Variants in ASTN2 observed in about 807,000 individuals in gnomAD.
ASTN2 encodes astrotactin-2.
ASTN2 carries 54 observed loss-of-function variants against 139.8 expected under a neutral mutation model. The ratio of observed to expected loss-of-function variants is 0.39; its 90% CI spans 0.31 to 0.48. The LOEUF (loss-of-function observed/expected upper bound fraction) is 0.48. Among genes scored for constraint, ASTN2 ranks in the 20% least tolerant of loss-of-function variants. The pLI, the probability that ASTN2 is intolerant of heterozygous loss-of-function variation, is 0.95. For synonymous variants in ASTN2, 756 were observed against 719.5 expected (o/e 1.05, Z -0.81); for missense variants, 1,565 against 1,725.1 (o/e 0.91, Z 1.64).
intron 10 of ASTN2, among the ~76,000 whole-genome samples, chr9:116,884,272 C>A (rs1438025227): frequency 6.6e-6 from 1 of 152,068 alleles, no homozygotes; most frequent in East Asian, 1.9e-4. Context: ...GACCTGGATT[C>A]CAAGAGAAGG....
intron 10 of ASTN2, among the ~76,000 whole-genome samples, chr9:116,892,013 A>G (rs1833774241): frequency 6.6e-6 from 1 of 152,228 alleles, no homozygotes; most frequent in Non-Finnish European, 1.5e-5. Context: ...GGTCCTGAAT[A>G]TGACAGACTA....
intron 10 of ASTN2, among the ~76,000 whole-genome samples, chr9:116,896,599 A>G (rs12683025): frequency 0.16 from 24,541 of 152,124 alleles, 2,737 homozygotes; most frequent in East Asian, 0.33. Context: ...GATTACAGGC[A>G]TGAGCTGCCG....
chr9:116,986,440 A>G (rs193260135), intron 7 of ASTN2, among the ~76,000 whole-genome samples: 209 of 152,276 alleles, frequency 1.4e-3, no homozygotes, highest in African/African-American at 4.8e-3. Context: ...CTTGGAGGAA[A>G]ATACATCACT....
chr9:117,107,670 T>C (rs1433094918), intron 4 of ASTN2, among the ~76,000 whole-genome samples: 3 of 152,210 alleles, frequency 2.0e-5, no homozygotes, highest in Non-Finnish European at 4.4e-5. Flanking sequence ...TCCCTCTCTC[T>C]GAACACAAGA....
Position 117,182,536 on chromosome 9 carries a change from C to A in ASTN2, c.1015+31822G>T, listed in dbSNP as rs535121349. Among the ~76,000 whole-genome samples the A allele has an allele frequency of 5.3e-5, 8 of 152,278 alleles. No homozygotes were observed. The South Asian group carries it at 1.7e-3, about 32-fold the overall frequency. On this transcript the variant is annotated intron_variant, in intron 3 of 22. Transcript: ENST00000313400. ...CCCTATAGCTCTAGGGAAATTAGAA[C>A]AGATAAGGTCCAAATGTAGCCGGGC...
intron 7 of ASTN2, among the ~76,000 whole-genome samples, chr9:116,993,411 T>A (rs1588465205): frequency 6.6e-6 from 1 of 152,014 alleles, no homozygotes; most frequent in Non-Finnish European, 1.5e-5. Flanking sequence ...TCTGCTCAAA[T>A]TTGCAACCAT....
chr9:116,993,514 G>A (rs986424416), intron 7 of ASTN2, among the ~76,000 whole-genome samples: 9 of 150,834 alleles, frequency 6.0e-5, no homozygotes, highest in Non-Finnish European at 1.0e-4. Flanking sequence ...ACTTTATCAC[G>A]TTATTCACTA....
chr9:116,446,096 G>C (rs933769775), intron 20 of ASTN2, among the ~76,000 whole-genome samples: 7 of 152,004 alleles, frequency 4.6e-5, no homozygotes, highest in African/African-American at 1.7e-4. Context: ...CTGATATGAA[G>C]GAGAGAGGGA....
intron 1 of ASTN2, among the ~76,000 whole-genome samples, chr9:117,410,319 T>C (rs955369904): frequency 6.6e-6 from 1 of 152,090 alleles, no homozygotes; most frequent in African/African-American, 2.4e-5. Context: ...CTGAATGACA[T>C]ACAGGTTCAC....
At chr9:116,544,136 C>T (rs1422704187) in intron 19 of ASTN2, among the ~76,000 whole-genome samples, 1 of 152,130 alleles carries the variant, frequency 6.6e-6, no homozygotes, top group Non-Finnish European at 1.5e-5. Context: ...TCTCCAAGGG[C>T]ACTTAGTGGC....
intron 1 of ASTN2, among the ~76,000 whole-genome samples, chr9:117,315,598 C>G (rs139207934): frequency 6.6e-6 from 1 of 152,360 alleles, no homozygotes; most frequent in African/African-American, 2.4e-5. Context: ...TTCTGACATA[C>G]AGCAGTTCTC....
In ASTN2 at chr9:116,620,268, C is replaced by T. The variant is rs7049052; in HGVS notation, c.3206+42G>A. ...CTGGCAGGACAGGAGTGTGAGTCCACGAAAAGGGATGGCCAAAGGAAAAGG... is the reference window on the plus strand; with the variant it reads ...CTGGCAGGACAGGAGTGTGAGTCCATGAAAAGGGATGGCCAAAGGAAAAGG... On this transcript the variant is annotated intron_variant, in intron 18 of 22. Transcript: ENST00000313400. 8.9e-4 allele frequency: 1,436 copies of T among 1,613,286 alleles called. 14 individuals carry two copies. The African/African-American group carries it at 0.018, about 20-fold the overall frequency.
At chr9:117,287,997 G>A (rs934596079) in intron 2 of ASTN2, among the ~76,000 whole-genome samples, 11 of 152,170 alleles carry the variant, frequency 7.2e-5, no homozygotes, top group Non-Finnish European at 1.2e-4. Flanking sequence ...TGTGCCTAAC[G>A]TAAAATTACC....
chr9:116,874,767 A>T (rs534197355), intron 10 of ASTN2, among the ~76,000 whole-genome samples: 2 of 152,260 alleles, frequency 1.3e-5, no homozygotes, highest in East Asian at 3.9e-4. Context: ...TTTATTGCTC[A>T]TTGCAGATAT....
intron 19 of ASTN2, among the ~76,000 whole-genome samples, chr9:116,609,157 A>T (rs1031078824): frequency 4.6e-5 from 7 of 151,844 alleles, no homozygotes; most frequent in African/African-American, 1.7e-4. Context: ...GAGATTTTTT[A>T]AATTGACAAA....
intron 16 of ASTN2, among the ~76,000 whole-genome samples, chr9:116,687,570 T>G: frequency 7.3e-6 from 1 of 136,360 alleles, no homozygotes; most frequent in African/African-American, 2.8e-5. Flanking sequence ...TCGGGAGGGA[T>G]TCGTGGGGCT....
chr9:117,291,441 T>A lies in ASTN2; in HGVS notation c.515A>T (p.Tyr172Phe), dbSNP rs1427602693. Residue 172 changes from tyrosine (Y) to phenylalanine (F), a missense_variant, in exon 2 of 23, where the codon TAC (tyrosine) becomes TTC (phenylalanine). Physicochemically the swap from Tyr to Phe is conservative, Grantham distance 22. Coordinates refer to ENST00000313400, the MANE Select transcript of ASTN2 (RefSeq NM_001365068.1). ...RQQWLENGTL[Y>F]FHVSMSSSGQ... ...GGAGCTGCTCATGGAGACGTGGAAGTACAAGGTGCCATTCTCCAGCCACTG... is the reference window on the plus strand; with the variant it reads ...GGAGCTGCTCATGGAGACGTGGAAGAACAAGGTGCCATTCTCCAGCCACTG... 1.2e-6 allele frequency: 2 copies of A among 1,614,146 alleles called. No individual in the cohort carries two copies. Among genetic ancestry groups the A allele is most frequent in the East Asian group, 4.5e-5 (2 of 44,880 alleles).
chr9:116,983,365 G>A (rs1045338912), intron 7 of ASTN2, among the ~76,000 whole-genome samples: 1 of 152,188 alleles, frequency 6.6e-6, no homozygotes, highest in Non-Finnish European at 1.5e-5. Context: ...GTCATTGCAT[G>A]TCACAGCCAT....
At chr9:116,977,481 T>A (rs769017093) in intron 7 of ASTN2, among the ~76,000 whole-genome samples, 2 of 152,102 alleles carry the variant, frequency 1.3e-5, no homozygotes, top group African/African-American at 4.8e-5. Flanking sequence ...ATCCATTATT[T>A]TTTTTTCTGG....
Sources: allele counts gnomAD v4.1 joint callset (sites outside exome capture counted in the v4.1 genomes callset), GRCh38; gene constraint gnomAD v4.1.1; transcripts MANE v1.5; gene names NCBI Gene and HGNC (gene_info 2026-07-23, HGNC 2026-07-21).